CD99: variants seen among roughly 807,000 people sequenced by gnomAD.
CD99 encodes the protein CD99 antigen.
In CD99, 19 loss-of-function variants were observed where a neutral mutation model predicts 28.4. The ratio of observed to expected loss-of-function variants is 0.67; its 90% CI spans 0.47 to 0.98. The LOEUF (loss-of-function observed/expected upper bound fraction) is 0.98, where lower values mean the gene tolerates loss of function less well. Ranked by LOEUF, CD99 falls within the 50% of genes least tolerant of loss-of-function variation. The pLI is 0.00. For missense variants in CD99, 283 were observed against 248.8 expected (o/e 1.14, Z -0.92); for synonymous variants, 103 against 92.1 (o/e 1.12, Z -0.67).
intron 1 of CD99, among the ~76,000 whole-genome samples, chrX:2,705,160 T>C (rs2048058303): frequency 6.6e-6 from 1 of 152,234 alleles, no homozygotes; most frequent in South Asian, 2.1e-4. Flanking sequence ...TTCATAGCTT[T>C]CCATGGGGTG....
At chrX:2,721,164 C>T (rs1219920487) in intron 5 of CD99, among the ~76,000 whole-genome samples, 1 of 150,878 alleles carries the variant, frequency 6.6e-6, no homozygotes, top group African/African-American at 2.4e-5. Context: ...GAATGGTTGT[C>T]GAAAGTTTAT....
intron 8 of CD99, 84 bp downstream of exon 8, chrX:2,726,457 C>T (rs1406052514): frequency 4.6e-6 from 4 of 872,518 alleles, no homozygotes; most frequent in South Asian, 2.7e-5. Flanking sequence ...AAACCAAACT[C>T]GGGCTGGCAC....
Position 2,691,367 on chromosome X carries a change from C to G in CD99, c.7C>G (p.Arg3Gly). MA[R>G]GAALALLLFG... ...TGCGCGCTCTGGGCGCACCATGGCC[C>G]GCGGGGCTGCGCTGGCGCTGCTGCT... Residue 3 changes from arginine (R) to glycine (G), a missense_variant, in exon 1 of 10, where the codon CGC becomes GGC. Physicochemically the swap from Arg to Gly is moderately radical, Grantham distance 125. Transcript: ENST00000381192. The G allele has an allele frequency of 1.3e-6, 2 of 1,572,296 alleles. No homozygotes were observed. The highest frequency in any genetic ancestry group is 1.7e-6 in the Non-Finnish European group (2 of 1,169,296).
In CD99 at chrX:2,740,903, G is replaced by A; in HGVS notation, c.*99G>A. The A allele has an allele frequency of 7.8e-7, 1 of 1,282,910 alleles. No homozygotes were observed. Among genetic ancestry groups the A allele is most frequent in the South Asian group, 1.2e-5 (1 of 84,536 alleles). 79.5% of individuals were successfully genotyped at this position (1,282,910 alleles called of 1,614,324 possible). A position where few individuals can be genotyped will look rare whatever the true frequency, so the allele number is the denominator to read the frequency against. On this transcript the variant is annotated 3_prime_UTR_variant, in exon 10 of 10. Coordinates refer to ENST00000381192, the MANE Select transcript of CD99 (RefSeq NM_002414.5). Reference sequence around the variant, plus strand: ...ACACCTGCCTGAGAGCAGAGATGGAGGCCTTCTGTTCACGGCGGATTCTTT... The same window carrying A: ...ACACCTGCCTGAGAGCAGAGATGGAAGCCTTCTGTTCACGGCGGATTCTTT...
At chrX:2,734,027 T>C (rs2049810126) in intron 8 of CD99, among the ~76,000 whole-genome samples, 1 of 152,170 alleles carries the variant, frequency 6.6e-6, no homozygotes, top group South Asian at 2.1e-4. Context: ...TGGTGGGTGG[T>C]CAGGTCCCTA....
intron 8 of CD99, chrX:2,733,307 G>C (rs2049769540): frequency 1.3e-6 from 2 of 1,550,072 alleles, no homozygotes; most frequent in Non-Finnish European, 1.7e-6. Context: ...CCCAGCACCA[G>C]TTTACTTTTT....
intron 9 of CD99, among the ~76,000 whole-genome samples, chrX:2,740,092 C>CAAAAAT (rs2050130993): frequency 7.0e-6 from 1 of 143,174 alleles, no homozygotes; most frequent in Admixed American, 7.1e-5. Flanking sequence ...AACTCTGTCT[C>CAAAAAT]AAAAATAATA....
In CD99 at chrX:2,692,942, G is replaced by A. The variant is rs147414326; in HGVS notation, c.67+1515G>A. The stretch of plus-strand genomic sequence containing the variant: ...GGCAGACGGGAGACAGGGCCACAGG[G>A]ACCTTTATAGTTCCATCACGAAATA... On this transcript the variant is annotated intron_variant, in intron 1 of 9. Transcript: ENST00000381192. Among the ~76,000 whole-genome samples the A allele has an allele frequency of 7.8e-3, 1,183 of 152,266 alleles. 13 individuals carry two copies. Among genetic ancestry groups the A allele is most frequent in the African/African-American group, 0.027 (1,117 of 41,566 alleles).
At chrX:2,722,740 A>G in intron 6 of CD99, 66 bp downstream of exon 6, 1 of 1,435,012 alleles carries the variant, frequency 7.0e-7, no homozygotes. Flanking sequence ...GCTCTGTAGA[A>G]TCACTACAGG....
At chrX:2,713,844 A>G (rs144598940) in intron 1 of CD99, among the ~76,000 whole-genome samples, 3,173 of 152,272 alleles carry the variant, frequency 0.021, 46 homozygotes, top group Middle Eastern at 0.048. Flanking sequence ...GCTTTTCTTC[A>G]GTGCGCCAGA....
chrX:2,692,331 G>A (rs575667016), intron 1 of CD99: 33 of 214,562 alleles, frequency 1.5e-4, no homozygotes, highest in African/African-American at 7.3e-4. Flanking sequence ...CGGGCAGTGT[G>A]GACTTCAGGA....
chrX:2,710,455 T>C (rs1159565258), intron 1 of CD99, among the ~76,000 whole-genome samples: 1 of 152,060 alleles, frequency 6.6e-6, no homozygotes, highest in African/African-American at 2.4e-5. Flanking sequence ...AGGGTGAAAT[T>C]ACAGAAATAA....
intron 9 of CD99, among the ~76,000 whole-genome samples, chrX:2,739,982 C>T (rs891165099): frequency 2.0e-5 from 3 of 149,716 alleles, no homozygotes; most frequent in African/African-American, 7.4e-5. Context: ...ATTCCAGCTA[C>T]TCAGAAGGCT....
intron 1 of CD99, among the ~76,000 whole-genome samples, chrX:2,702,491 A>G (rs1328158268): frequency 2.0e-5 from 3 of 152,216 alleles, no homozygotes; most frequent in African/African-American, 7.2e-5. Flanking sequence ...GGTACACGCA[A>G]TCTTCATCAT....
intron 8 of CD99, among the ~76,000 whole-genome samples, chrX:2,737,423 G>A (rs1361037263): frequency 0.13 from 16 of 124 alleles, no homozygotes; most frequent in African/African-American, 0.27. Flanking sequence ...TGATCCGCCC[G>A]CCTGGCCTCC....
intron 8 of CD99, among the ~76,000 whole-genome samples, chrX:2,731,907 A>C (rs1353948371): frequency 6.6e-6 from 1 of 152,052 alleles, no homozygotes; most frequent in African/African-American, 2.4e-5. Flanking sequence ...GTGCAAAAAT[A>C]ACTGCGGTTT....
In CD99 at chrX:2,694,043, C is replaced by G. The variant is rs376279469; in HGVS notation, c.67+2616C>G. Reference sequence around the variant, plus strand: ...GGAGGGCTTGGGAGTTGCATGTATGCGCTGATTCAGGGCTGCCCCTGCAGT... The same window carrying G: ...GGAGGGCTTGGGAGTTGCATGTATGGGCTGATTCAGGGCTGCCCCTGCAGT... On this transcript the variant is annotated intron_variant, in intron 1 of 9. Transcript: ENST00000381192. Among the ~76,000 whole-genome samples the G allele has an allele frequency of 3.3e-5, 5 of 152,276 alleles. No homozygotes were observed. In the East Asian group the frequency reaches 9.7e-4, roughly 29 times the overall value.
intron 1 of CD99, among the ~76,000 whole-genome samples, chrX:2,696,691 A>T (rs900643921): frequency 6.6e-6 from 1 of 152,042 alleles, no homozygotes; most frequent in Non-Finnish European, 1.5e-5. Flanking sequence ...ATTTATTCCC[A>T]GTCTCTTGGC....
chrX:2,704,778 G>C (rs1174274838), intron 1 of CD99, among the ~76,000 whole-genome samples: 1 of 151,860 alleles, frequency 6.6e-6, no homozygotes, highest in Admixed American at 6.6e-5. Flanking sequence ...CCGTGGTGCA[G>C]TGTCAGCTCC....
Sources: allele counts gnomAD v4.1 joint callset (sites outside exome capture counted in the v4.1 genomes callset), GRCh38; gene constraint gnomAD v4.1.1; transcripts MANE v1.5; gene names NCBI Gene and HGNC (gene_info 2026-07-23, HGNC 2026-07-21).